EVI5: variants seen among roughly 807,000 people sequenced by gnomAD.
EVI5 encodes ecotropic viral integration site 5 protein homolog.
A neutral mutation model predicts 112.0 loss-of-function variants in EVI5; 73 were observed. That is an observed-to-expected ratio of 0.65 (90% CI 0.54 to 0.79). The LOEUF (loss-of-function observed/expected upper bound fraction) is 0.79. Among genes scored for constraint, EVI5 ranks in the 30% least tolerant of loss-of-function variants. EVI5 has a pLI of 0.00. For synonymous variants in EVI5, 305 were observed against 319.9 expected (o/e 0.95, Z 0.50); for missense variants, 900 against 968.8 (o/e 0.93, Z 0.94).
intron 5 of EVI5, 42 bp from the exon 6 acceptor site, chr1:92,698,027 T>C: frequency 4.5e-6 from 7 of 1,570,906 alleles, no homozygotes; most frequent in Non-Finnish European, 6.1e-6. Context: ...TAATGTTCTC[T>C]GATACACAAA....
intron 18 of EVI5, among the ~76,000 whole-genome samples, chr1:92,581,924 C>T (rs993699962): frequency 4.6e-5 from 7 of 152,170 alleles, no homozygotes; most frequent in African/African-American, 1.7e-4. Context: ...CTGTGATATG[C>T]CAGGCACCAG....
chr1:92,683,427 A>G (rs1000016019), intron 9 of EVI5, among the ~76,000 whole-genome samples: 2 of 152,228 alleles, frequency 1.3e-5, no homozygotes, highest in African/African-American at 4.8e-5. Context: ...TCAAAGACCA[A>G]AGGTAGATAA....
chr1:92,564,159 G>A (rs1571568888), intron 18 of EVI5, among the ~76,000 whole-genome samples: 1 of 152,074 alleles, frequency 6.6e-6, no homozygotes, highest in East Asian at 1.9e-4. Context: ...CTGACCTCAG[G>A]TGTGATTATT....
chr1:92,509,107 G>A lies in EVI5; in HGVS notation c.*4549C>T, dbSNP rs1659035023. On this transcript the variant is annotated 3_prime_UTR_variant, in exon 20 of 20. Transcript: ENST00000684568. ...TGGTATGTTAATATACATTAATCAA[G>A]CTGGTCATGAAACAGTTTTACCAAA... 1 of 152,272 alleles carries A rather than the reference G, an allele frequency of 6.6e-6. No individual in the cohort carries two copies. Among genetic ancestry groups the A allele is most frequent in the Non-Finnish European group, 1.5e-5 (1 of 68,024 alleles). 9.4% of individuals were successfully genotyped at this position (152,272 alleles called of 1,614,324 possible).
At chr1:92,557,318 C>CT (rs1248740693) in intron 19 of EVI5, among the ~76,000 whole-genome samples, 2 of 151,640 alleles carry the variant, frequency 1.3e-5, no homozygotes, top group East Asian at 3.9e-4. Flanking sequence ...GACGGAGTCT[C>CT]TGTGGCCCAG....
chr1:92,678,995 G>A (rs1354347066), intron 9 of EVI5, among the ~76,000 whole-genome samples: 2 of 152,158 alleles, frequency 1.3e-5, no homozygotes, highest in Non-Finnish European at 2.9e-5. Flanking sequence ...CCTGGGCAGT[G>A]GACCAATACC....
chr1:92,672,592 A>C (rs1666056310), intron 10 of EVI5, among the ~76,000 whole-genome samples: 1 of 152,176 alleles, frequency 6.6e-6, no homozygotes, highest in African/African-American at 2.4e-5. Flanking sequence ...AATACCGTAC[A>C]TTTGACTTTT....
intron 8 of EVI5, 74 bp downstream of exon 8, chr1:92,694,225 A>G: frequency 2.4e-6 from 2 of 847,366 alleles, no homozygotes. Context: ...AGATCACGCC[A>G]CTGCACTCCA....
At chr1:92,728,694 G>C (rs754513654) in intron 2 of EVI5, among the ~76,000 whole-genome samples, 5 of 152,066 alleles carry the variant, frequency 3.3e-5, no homozygotes, top group Non-Finnish European at 5.9e-5. Flanking sequence ...AGCGAATCAT[G>C]GTTTCAATTA....
intron 16 of EVI5, among the ~76,000 whole-genome samples, chr1:92,620,062 G>A (rs530259240): frequency 2.6e-4 from 39 of 152,192 alleles, no homozygotes; most frequent in African/African-American, 9.4e-4. Context: ...TAACAACCAA[G>A]GGCCGGGCGT....
intron 2 of EVI5, among the ~76,000 whole-genome samples, chr1:92,713,655 TGATCCCA>T (rs1156842283): frequency 6.6e-6 from 1 of 152,044 alleles, no homozygotes; most frequent in Non-Finnish European, 1.5e-5. Context: ...TGCATGCCTG[TGATCCCA>T]GCTACTTGGG....
At position 92,696,998 on chromosome 1, in the gene EVI5, C is replaced by T. The variant is rs376063546; in HGVS notation, c.765+862G>A. 2.4e-4 allele frequency among the ~76,000 whole-genome samples: 36 copies of T among 152,200 alleles called. No homozygotes were observed. In the South Asian group the frequency reaches 7.5e-3, roughly 32 times the overall value. On this transcript the variant is annotated intron_variant, in intron 6 of 19. Transcript: ENST00000684568. ...GAGCTTGCAGTGAGCCGACACCACG[C>T]CACTGCACTCCAGCCTGGGCCACAG...
At chr1:92,572,347 T>C (rs1279023479) in intron 18 of EVI5, among the ~76,000 whole-genome samples, 1 of 151,942 alleles carries the variant, frequency 6.6e-6, no homozygotes, top group Non-Finnish European at 1.5e-5. Flanking sequence ...GTGGAGATAG[T>C]GGGTTTATAG....
intron 19 of EVI5, among the ~76,000 whole-genome samples, chr1:92,553,425 C>T (rs920549923): frequency 6.6e-6 from 1 of 151,386 alleles, no homozygotes; most frequent in Non-Finnish European, 1.5e-5. Context: ...GCCTCAGCCT[C>T]TCCAGTAGCT....
intron 18 of EVI5, among the ~76,000 whole-genome samples, chr1:92,586,605 GCT>G (rs1491491720): frequency 9.2e-4 from 46 of 49,832 alleles, no homozygotes; most frequent in Non-Finnish European, 1.5e-3. Context: ...TTTTTTTTTG[GCT>G]GTGTGTGTGT....
intron 2 of EVI5, among the ~76,000 whole-genome samples, chr1:92,721,000 T>C (rs1009249148): frequency 1.3e-5 from 2 of 152,152 alleles, no homozygotes; most frequent in African/African-American, 4.8e-5. Flanking sequence ...CCAGTTAGAA[T>C]GGCAATCATT....
At chr1:92,625,465 A>G (rs997079491) in intron 15 of EVI5, among the ~76,000 whole-genome samples, 2 of 152,096 alleles carry the variant, frequency 1.3e-5, no homozygotes, top group African/African-American at 4.8e-5. Flanking sequence ...ACTAACCAAC[A>G]ATGGACTTAA....
chr1:92,687,372 C>G (rs2102412714), intron 9 of EVI5, among the ~76,000 whole-genome samples: 1 of 152,002 alleles, frequency 6.6e-6, no homozygotes. Context: ...TTCCTCACAC[C>G]TTATACAAAA....
chr1:92,546,951 T>C (rs1281345326), intron 19 of EVI5, among the ~76,000 whole-genome samples: 1 of 151,908 alleles, frequency 6.6e-6, no homozygotes, highest in Non-Finnish European at 1.5e-5. Flanking sequence ...AGACAGAAAG[T>C]TAACAAGGAT....
Sources: allele counts gnomAD v4.1 joint callset (sites outside exome capture counted in the v4.1 genomes callset), GRCh38; gene constraint gnomAD v4.1.1; transcripts MANE v1.5; gene names NCBI Gene and HGNC (gene_info 2026-07-23, HGNC 2026-07-21).